The following TSPAN18 variants were observed in gnomAD, a reference collection of about 807,000 sequenced individuals.
The protein encoded by TSPAN18 is tetraspanin-18.
Under a neutral mutation model 27.3 loss-of-function variants are expected in TSPAN18, and 14 were observed. That is an observed-to-expected ratio of 0.51 (90% CI 0.34 to 0.80). The LOEUF (loss-of-function observed/expected upper bound fraction) is 0.80, where lower values mean the gene tolerates loss of function less well. Ranked by LOEUF, TSPAN18 falls within the 30% of genes least tolerant of loss-of-function variation. TSPAN18 has a pLI of 0.01. For missense variants in TSPAN18, 268 were observed against 323.9 expected (o/e 0.83, Z 1.32); for synonymous variants, 143 against 136.5 (o/e 1.05, Z -0.33).
At chr11:44,758,628 C>T (rs1261964805) in intron 1 of TSPAN18, among the ~76,000 whole-genome samples, 4 of 152,128 alleles carry the variant, frequency 2.6e-5, no homozygotes, top group Non-Finnish European at 5.9e-5. Flanking sequence ...TTCTGTGTAT[C>T]GAGTGTTTAT....
intron 3 of TSPAN18, among the ~76,000 whole-genome samples, chr11:44,884,419 G>T (rs891397210): frequency 1.3e-5 from 2 of 152,300 alleles, no homozygotes; most frequent in East Asian, 1.9e-4. Flanking sequence ...GGGTAGAGGG[G>T]CTTGCTGTTT....
chr11:44,892,284 G>T (rs899068059), intron 3 of TSPAN18, among the ~76,000 whole-genome samples: 3 of 152,212 alleles, frequency 2.0e-5, no homozygotes, highest in African/African-American at 7.2e-5. Context: ...ACATGACAGG[G>T]TGTAGGTAGG....
chr11:44,778,185 GA>G (rs1855858401), intron 2 of TSPAN18, among the ~76,000 whole-genome samples: 1 of 152,130 alleles, frequency 6.6e-6, no homozygotes, highest in Non-Finnish European at 1.5e-5. Flanking sequence ...AAGGTGGGGA[GA>G]GGGGAGAGAT....
chr11:44,753,043 T>C (rs2134860965), intron 1 of TSPAN18, among the ~76,000 whole-genome samples: 1 of 152,342 alleles, frequency 6.6e-6, no homozygotes, highest in African/African-American at 2.4e-5. Flanking sequence ...CAGATGACTT[T>C]TCTTAACAGT....
rs887858584 is a variant in TSPAN18 at position 44,782,415 on chromosome 11, C to T, written c.-153+17903C>T. 3.3e-5 allele frequency among the ~76,000 whole-genome samples: 5 copies of T among 151,834 alleles called. No homozygotes were observed. The East Asian group carries it at 5.8e-4, about 18-fold the overall frequency. ...AAAATTAGCTGAGCGTAGTAGTGGG[C>T]GCCTGTAATCCCAGCTACTCGGGAG... On this transcript the variant is annotated intron_variant, in intron 2 of 9. Transcript: ENST00000520358.
chr11:44,869,656 C>T (rs1858137531), intron 3 of TSPAN18, among the ~76,000 whole-genome samples: 3 of 152,190 alleles, frequency 2.0e-5, no homozygotes, highest in Admixed American at 1.3e-4. Flanking sequence ...CTTAGAGACA[C>T]GGCCAGGCCC....
chr11:44,737,560 C>G (rs1478232210), intron 1 of TSPAN18, among the ~76,000 whole-genome samples: 1 of 152,216 alleles, frequency 6.6e-6, no homozygotes, highest in Non-Finnish European at 1.5e-5. Context: ...CAAGTTAACT[C>G]TAAAGTTCCC....
rs1257341281 is a variant in TSPAN18, at chr11:44,932,001, AG to A, written c.*2826del. ...TCTGAAGCTACTGCCTCTTAGAGAA[AG>A]GGAATAGCTCTTTATGGGCTGGGGG... On this transcript the variant is annotated 3_prime_UTR_variant, in exon 10 of 10. Transcript: ENST00000520358. The A allele has an allele frequency of 1.3e-5, 2 of 152,274 alleles. No individual in the cohort carries two copies. Among genetic ancestry groups the A allele is most frequent in the African/African-American group, 4.8e-5 (2 of 41,450 alleles). The allele number at this position is 152,274 out of a possible 1,614,324, so 9.4% of individuals were successfully genotyped here.
intron 3 of TSPAN18, among the ~76,000 whole-genome samples, chr11:44,902,439 C>T (rs1859295599): frequency 6.6e-6 from 1 of 152,204 alleles, no homozygotes; most frequent in East Asian, 1.9e-4. Context: ...GCAAGCTGGC[C>T]TGGAAATGGT....
chr11:44,763,890 G>T (rs898760350), intron 1 of TSPAN18, among the ~76,000 whole-genome samples: 18 of 152,042 alleles, frequency 1.2e-4, no homozygotes, highest in African/African-American at 4.4e-4. Context: ...AAATACCTGA[G>T]ACTGGGTAAT....
intron 2 of TSPAN18, among the ~76,000 whole-genome samples, chr11:44,853,401 TG>T (rs1857652015): frequency 3.9e-5 from 6 of 152,136 alleles, no homozygotes; most frequent in Admixed American, 3.9e-4. Flanking sequence ...CCCATAAGTC[TG>T]GGAGACTGAA....
chr11:44,854,306 C>G (rs1857680852), intron 2 of TSPAN18, among the ~76,000 whole-genome samples: 1 of 151,986 alleles, frequency 6.6e-6, no homozygotes, highest in Admixed American at 6.5e-5. Flanking sequence ...TGTTCCCCAG[C>G]CTCACCTGGA....
intron 2 of TSPAN18, among the ~76,000 whole-genome samples, chr11:44,769,603 C>T (rs1855646065): frequency 6.6e-6 from 1 of 152,096 alleles, no homozygotes; most frequent in Non-Finnish European, 1.5e-5. Context: ...TGTGTGTGAG[C>T]TTTGGCAGAT....
chr11:44,876,943 C>G (rs1858350703), intron 3 of TSPAN18, among the ~76,000 whole-genome samples: 1 of 152,216 alleles, frequency 6.6e-6, no homozygotes, highest in South Asian at 2.1e-4. Flanking sequence ...GGAGCTGGGA[C>G]TGGGAAGAGC....
At chr11:44,908,691 G>C (rs909303582) in intron 4 of TSPAN18, among the ~76,000 whole-genome samples, 1 of 150,500 alleles carries the variant, frequency 6.6e-6, no homozygotes, top group Non-Finnish European at 1.5e-5. Flanking sequence ...ATGTGATCCC[G>C]CCACTGCACT....
intron 1 of TSPAN18, among the ~76,000 whole-genome samples, chr11:44,733,139 G>A (rs1408271501): frequency 6.6e-6 from 1 of 152,162 alleles, no homozygotes; most frequent in South Asian, 2.1e-4. Flanking sequence ...CAGCCCCCAG[G>A]GAGGCTGAGA....
intron 1 of TSPAN18, among the ~76,000 whole-genome samples, chr11:44,756,972 G>C (rs1029469511): frequency 1.3e-5 from 2 of 152,170 alleles, no homozygotes; most frequent in African/African-American, 4.8e-5. Flanking sequence ...CATTGACTAC[G>C]ATGTTTGCTG....
At chr11:44,905,925 A>G (rs1051898480) in intron 3 of TSPAN18, among the ~76,000 whole-genome samples, 10 of 152,054 alleles carry the variant, frequency 6.6e-5, no homozygotes, top group Admixed American at 5.9e-4. Context: ...CTGTGGCTGG[A>G]GGGTGTGTGG....
chr11:44,849,506 A>G (rs1247677688), intron 2 of TSPAN18, among the ~76,000 whole-genome samples: 1 of 152,186 alleles, frequency 6.6e-6, no homozygotes, highest in East Asian at 1.9e-4. Context: ...TTATAGCCCC[A>G]TGTCAGCCTG....
Sources: allele counts gnomAD v4.1 joint callset (sites outside exome capture counted in the v4.1 genomes callset), GRCh38; gene constraint gnomAD v4.1.1; transcripts MANE v1.5; gene names NCBI Gene and HGNC (gene_info 2026-07-23, HGNC 2026-07-21).